The following GABRB3 variants were observed in gnomAD, a reference collection of about 807,000 sequenced individuals.
The protein encoded by GABRB3 is gamma-aminobutyric acid type A receptor subunit beta3.
A neutral mutation model predicts 52.1 loss-of-function variants in GABRB3; 14 were observed. The observed-to-expected ratio is 0.27, with a 90% CI of 0.18 to 0.42. The LOEUF is 0.42. Ranked by LOEUF, GABRB3 falls within the 10% of genes least tolerant of loss-of-function variation. GABRB3 has a pLI of 1.00. For synonymous variants in GABRB3, 260 were observed against 232.3 expected, an observed-to-expected ratio of 1.12 and a Z score of -1.08; for missense variants, 307 against 609.1, an observed-to-expected ratio of 0.50 and a Z score of 5.22.
intron 4 of GABRB3, among the ~76,000 whole-genome samples, chr15:26,601,542 T>C (rs1214225378): frequency 6.6e-6 from 1 of 152,064 alleles, no homozygotes; most frequent in Admixed American, 6.5e-5. Context: ...ATGATGATGG[T>C]AGTAAGATCT....
intron 3 of GABRB3, among the ~76,000 whole-genome samples, chr15:26,730,578 G>C (rs1327534084): frequency 6.6e-6 from 1 of 152,204 alleles, no homozygotes; most frequent in Non-Finnish European, 1.5e-5. Flanking sequence ...GGGCCACAGA[G>C]TGAATGGCCA....
rs140289201 is a variant in GABRB3 at position 26,606,842 on chromosome 15, A to C, written c.461+14472T>G. ...GATAGATAGATAGATAGATAGATAG[A>C]TATGGTTAAAGCAAACTAAATATGG... On this transcript the variant is annotated intron_variant, in intron 4 of 8. Coordinates refer to ENST00000311550, the MANE Select transcript of GABRB3 (RefSeq NM_000814.6). Among the ~76,000 whole-genome samples, 3 of 147,350 alleles carry C rather than the reference A, an allele frequency of 2.0e-5. No homozygotes were observed. The East Asian group carries it at 6.7e-4, about 33-fold the overall frequency.
intron 4 of GABRB3, among the ~76,000 whole-genome samples, chr15:26,602,439 T>C (rs1813432367): frequency 6.6e-6 from 1 of 152,146 alleles, no homozygotes; most frequent in South Asian, 2.1e-4. Context: ...GAACATTTCA[T>C]TCAATGACTA....
chr15:26,648,202 C>T (rs1376638755), intron 3 of GABRB3, among the ~76,000 whole-genome samples: 1 of 152,184 alleles, frequency 6.6e-6, no homozygotes, highest in Non-Finnish European at 1.5e-5. Flanking sequence ...TCTGAATTTA[C>T]TGCTCTGGGG....
chr15:26,678,292 G>A (rs1393317414), intron 3 of GABRB3, among the ~76,000 whole-genome samples: 1 of 152,192 alleles, frequency 6.6e-6, no homozygotes, highest in Non-Finnish European at 1.5e-5. Context: ...TGCTTAGGCT[G>A]CTGACAATTT....
intron 3 of GABRB3, among the ~76,000 whole-genome samples, chr15:26,657,927 G>A (rs1030268489): frequency 6.6e-6 from 1 of 152,176 alleles, no homozygotes; most frequent in Non-Finnish European, 1.5e-5. Context: ...CTTACTTGGA[G>A]ACCAGACTGC....
At chr15:26,635,752 T>C (rs1296714966) in intron 3 of GABRB3, among the ~76,000 whole-genome samples, 2 of 152,240 alleles carry the variant, frequency 1.3e-5, no homozygotes, top group African/African-American at 4.8e-5. Context: ...TCAGGATTTG[T>C]CAATGGATTT....
intron 3 of GABRB3, among the ~76,000 whole-genome samples, chr15:26,652,470 A>C (rs1245063797): frequency 6.6e-6 from 1 of 152,356 alleles, no homozygotes; most frequent in East Asian, 1.9e-4. Context: ...AACAAAGATG[A>C]CAAATACAAC....
intron 6 of GABRB3, among the ~76,000 whole-genome samples, chr15:26,576,178 TG>T (rs994773124): frequency 6.6e-5 from 10 of 152,268 alleles, no homozygotes; most frequent in African/African-American, 2.4e-4. Context: ...TCTTTTAACC[TG>T]ATCCCGTAAT....
At chr15:26,701,086 G>A (rs541660546) in intron 3 of GABRB3, among the ~76,000 whole-genome samples, 13 of 151,930 alleles carry the variant, frequency 8.6e-5, no homozygotes, top group East Asian at 5.8e-4. Flanking sequence ...CTCTGCAAAC[G>A]AGGAAGAGAA....
chr15:26,735,404 T>G (rs141264488), intron 3 of GABRB3, among the ~76,000 whole-genome samples: 1 of 152,280 alleles, frequency 6.6e-6, no homozygotes, highest in African/African-American at 2.4e-5. Flanking sequence ...CTGCAGCAAC[T>G]CCACTTCTGG....
chr15:26,710,652 A>AT (rs1889262918), intron 3 of GABRB3, among the ~76,000 whole-genome samples: 1 of 152,184 alleles, frequency 6.6e-6, no homozygotes, highest in Non-Finnish European at 1.5e-5. Context: ...AGTGTCTACC[A>AT]TTTTATATTC....
chr15:26,604,590 T>C (rs371649500), intron 4 of GABRB3, among the ~76,000 whole-genome samples: 2 of 152,020 alleles, frequency 1.3e-5, no homozygotes, highest in African/African-American at 4.8e-5. Context: ...CAGAATAGAA[T>C]ACAGAACCCA....
At chr15:26,706,444 T>TA (rs1889107019) in intron 3 of GABRB3, among the ~76,000 whole-genome samples, 1 of 151,794 alleles carries the variant, frequency 6.6e-6, no homozygotes, top group Non-Finnish European at 1.5e-5. Flanking sequence ...AGGGGTTTTT[T>TA]TTTTCTGTTC....
At chr15:26,683,054 C>T (rs192434843) in intron 3 of GABRB3, among the ~76,000 whole-genome samples, 1 of 152,186 alleles carries the variant, frequency 6.6e-6, no homozygotes, top group African/African-American at 2.4e-5. Flanking sequence ...GCACTTCTTC[C>T]TCTGCTTCAA....
In GABRB3 at chr15:26,598,232, C is replaced by T. The variant is rs140998176; in HGVS notation, c.462-14818G>A. Among the ~76,000 whole-genome samples, 278 of 150,804 alleles carry T rather than the reference C, an allele frequency of 1.8e-3. 6 individuals carry two copies. The East Asian group carries it at 0.036, about 20-fold the overall frequency. Reference sequence around the variant, plus strand: ...TTTTTTTTTTAATCAATAAACTGGTCGAATAAGAATTTTTAAGCAAAAAAA... The same window carrying T: ...TTTTTTTTTTAATCAATAAACTGGTTGAATAAGAATTTTTAAGCAAAAAAA... On this transcript the variant is annotated intron_variant, in intron 4 of 8. Coordinates refer to ENST00000311550, the MANE Select transcript of GABRB3 (RefSeq NM_000814.6).
chr15:26,698,311 C>T (rs537195264), intron 3 of GABRB3, among the ~76,000 whole-genome samples: 1 of 152,244 alleles, frequency 6.6e-6, no homozygotes, highest in South Asian at 2.1e-4. Flanking sequence ...ATTTTGGTTG[C>T]TAAAATATTG....
rs776711943 is a variant in GABRB3, at chr15:26,675,567, G to A, written c.241-54033C>T. Reference sequence around the variant, plus strand: ...TCAGAACCATTGAGATAGGTATAAGGGCTATTGAGATAGGTATAGGAACCA... The same window carrying A: ...TCAGAACCATTGAGATAGGTATAAGAGCTATTGAGATAGGTATAGGAACCA... On this transcript the variant is annotated intron_variant, in intron 3 of 8. Coordinates refer to ENST00000311550, the MANE Select transcript of GABRB3 (RefSeq NM_000814.6). Among the ~76,000 whole-genome samples the A allele has an allele frequency of 7.2e-5, 11 of 152,136 alleles. No individual in the cohort carries two copies. In the East Asian group the frequency reaches 1.9e-3, roughly 27 times the overall value.
intron 8 of GABRB3, among the ~76,000 whole-genome samples, chr15:26,560,706 T>C (rs904570680): frequency 6.6e-6 from 1 of 152,186 alleles, no homozygotes; most frequent in Non-Finnish European, 1.5e-5. Context: ...TTCAGTGAAC[T>C]CTGGCCAGTC....
Sources: gnomAD v4.1 joint callset for allele counts (sites outside exome capture counted in the v4.1 genomes callset) on GRCh38, gnomAD v4.1.1 for gene constraint, MANE v1.5 for transcripts, NCBI Gene and HGNC (gene_info 2026-07-23, HGNC 2026-07-21) for gene names.